Variants in COL5A2 observed in about 807,000 individuals in gnomAD.
COL5A2 encodes the protein collagen type V alpha 2 chain, also known as collagen alpha-2(V) chain.
In COL5A2, 23 loss-of-function variants were observed where a neutral mutation model predicts 208.2. The ratio of observed to expected loss-of-function variants is 0.11; its 90% CI spans 0.08 to 0.16. The LOEUF (loss-of-function observed/expected upper bound fraction) is 0.16, where lower values mean the gene tolerates loss of function less well. Among genes scored for constraint, COL5A2 ranks in the 10% least tolerant of loss-of-function variants. The pLI is 1.00. For synonymous variants in COL5A2, 625 were observed against 628.5 expected (o/e 0.99, Z 0.08); for missense variants, 1,590 against 1,956.4 (o/e 0.81, Z 3.53).
At chr2:189,278,719 G>T in the COL5A2 span, among the ~76,000 whole-genome samples, 1 of 151,662 alleles carries the variant, frequency 6.6e-6, no homozygotes, top group African/African-American at 2.4e-5. Flanking sequence ...CTCTAGGACT[G>T]CTCTTAGATA....
intron 1 of COL5A2, among the ~76,000 whole-genome samples, chr2:189,114,480 G>C (rs537985979): frequency 2.6e-5 from 4 of 152,040 alleles, no homozygotes; most frequent in African/African-American, 9.6e-5. Flanking sequence ...TGTCATAATA[G>C]AATTATTTTA....
the COL5A2 span, among the ~76,000 whole-genome samples, chr2:189,374,662 G>A: frequency 6.6e-6 from 1 of 152,152 alleles, no homozygotes. Flanking sequence ...TGACTTAAAA[G>A]TGAAAGCATC....
chr2:189,231,476 T>A, the COL5A2 span, among the ~76,000 whole-genome samples: 1 of 151,678 alleles, frequency 6.6e-6, no homozygotes, highest in Admixed American at 6.6e-5. Flanking sequence ...GTGCCTTTGA[T>A]CCTTTCTCTA....
chr2:189,078,082 T>A (rs1686450029), intron 16 of COL5A2, among the ~76,000 whole-genome samples: 1 of 152,032 alleles, frequency 6.6e-6, no homozygotes, highest in Non-Finnish European at 1.5e-5. Flanking sequence ...TTTCAAAGAG[T>A]GCACTCAGAG....
At chr2:189,383,967 A>G in the COL5A2 span, among the ~76,000 whole-genome samples, 10 of 151,994 alleles carry the variant, frequency 6.6e-5, no homozygotes, top group South Asian at 4.1e-4. Flanking sequence ...TTTCCATGAG[A>G]TCATTTTTTT....
intron 44 of COL5A2, 73 bp downstream of exon 44, chr2:189,049,274 A>G: frequency 9.7e-7 from 1 of 1,035,676 alleles, no homozygotes; most frequent in Admixed American, 2.0e-5. Context: ...TTCTAAATCA[A>G]TTGCTAAATG....
At chr2:189,276,539 A>G in the COL5A2 span, among the ~76,000 whole-genome samples, 1 of 152,160 alleles carries the variant, frequency 6.6e-6, no homozygotes, top group Admixed American at 6.6e-5. Flanking sequence ...TTTCAAGTAC[A>G]TGCTGACCAT....
At chr2:189,187,519 C>T (rs1395867588) in intron 1 of COL5A2, among the ~76,000 whole-genome samples, 3 of 152,238 alleles carry the variant, frequency 2.0e-5, no homozygotes, top group East Asian at 3.9e-4. Context: ...TATTACCTAC[C>T]TCATTGGTAA....
At chr2:189,245,482 ATTTT>A in the COL5A2 span, among the ~76,000 whole-genome samples, 20 of 124,110 alleles carry the variant, frequency 1.6e-4, no homozygotes, top group Non-Finnish European at 1.2e-4. Flanking sequence ...TATACTCAAA[ATTTT>A]TTTTTTTTTT....
At chr2:189,083,574 T>C (rs1686584482) in intron 12 of COL5A2, among the ~76,000 whole-genome samples, 1 of 151,974 alleles carries the variant, frequency 6.6e-6, no homozygotes, top group African/African-American at 2.4e-5. Context: ...TATTTAGACA[T>C]ATGTGACAAT....
chr2:189,273,097 G>A, the COL5A2 span, among the ~76,000 whole-genome samples: 2 of 152,066 alleles, frequency 1.3e-5, no homozygotes, highest in Admixed American at 1.3e-4. Context: ...AACAATATAT[G>A]ATGCTTTTGT....
chr2:189,360,626 T>C, the COL5A2 span, among the ~76,000 whole-genome samples: 1 of 152,214 alleles, frequency 6.6e-6, no homozygotes, highest in African/African-American at 2.4e-5. Flanking sequence ...TTTTGTTTTA[T>C]TTTATTTTAA....
intron 6 of COL5A2, chr2:189,094,919 T>A (rs1686873358): frequency 2.6e-5 from 4 of 151,626 alleles, no homozygotes. Flanking sequence ...TAGTTCTCAG[T>A]CCAGAGCTAT....
chr2:189,273,666 T>C, the COL5A2 span, among the ~76,000 whole-genome samples: 1 of 152,076 alleles, frequency 6.6e-6, no homozygotes, highest in African/African-American at 2.4e-5. Flanking sequence ...GGAATACCAT[T>C]CAGCCCTAAA....
chr2:189,326,020 C>G, the COL5A2 span, among the ~76,000 whole-genome samples: 335 of 148,404 alleles, frequency 2.3e-3, 3 homozygotes, highest in Non-Finnish European at 4.9e-4. Context: ...TTGCTTGAAT[C>G]AAGGAGTCTG....
chr2:189,421,426 A>G, the COL5A2 span, among the ~76,000 whole-genome samples: 1 of 152,196 alleles, frequency 6.6e-6, no homozygotes, highest in Non-Finnish European at 1.5e-5. Flanking sequence ...CATAATAATA[A>G]TAAGAAAAGA....
chr2:189,068,606 G>GCAT, intron 19 of COL5A2, among the ~76,000 whole-genome samples, 180 bp downstream of exon 19: 1 of 152,048 alleles, frequency 6.6e-6, no homozygotes, highest in Non-Finnish European at 1.5e-5. Context: ...CAATGGGATG[G>GCAT]ATATCTTAAA....
At chr2:189,137,053 G>A (rs1480773512) in intron 1 of COL5A2, among the ~76,000 whole-genome samples, 1 of 152,032 alleles carries the variant, frequency 6.6e-6, no homozygotes, top group African/African-American at 2.4e-5. Context: ...TATATTATAG[G>A]TTCTATAATT....
chr2:189,052,779 T>C lies in COL5A2; in HGVS notation c.2685A>G (p.Leu895=). The change falls in exon 40 of 54, where the codon CTA becomes CTG. Residue 895 remains leucine (L), a synonymous_variant. Transcript: ENST00000374866. ...GPHGPNGVPG[L]KGGRGTQGPP... ...GACCTTGGGTTCCTCGACCACCTTT[T>C]AGTCCAGGAACACCATTAGGACCCT... 3.7e-6 allele frequency: 6 copies of C among 1,614,208 alleles called. No homozygotes were observed. Among genetic ancestry groups the C allele is most frequent in the Non-Finnish European group, 4.2e-6 (5 of 1,180,018 alleles).
Sources: allele counts gnomAD v4.1 joint callset (sites outside exome capture counted in the v4.1 genomes callset), GRCh38; gene constraint gnomAD v4.1.1; transcripts MANE v1.5; gene names NCBI Gene and HGNC (gene_info 2026-07-23, HGNC 2026-07-21).